ANKRD30A: variants seen among roughly 807,000 people sequenced by gnomAD.
ANKRD30A encodes the protein ankyrin repeat domain-containing protein 30A.
ANKRD30A carries 170 observed loss-of-function variants against 166.3 expected under a neutral mutation model. That is an observed-to-expected ratio of 1.02 (90% confidence interval 0.90 to 1.16). The LOEUF (loss-of-function observed/expected upper bound fraction) is 1.16, where lower values mean the gene tolerates loss of function less well. ANKRD30A is among the 50% of genes most tolerant of loss of function. The pLI is 0.00. For synonymous variants in ANKRD30A, 564 were observed against 508.9 expected (o/e 1.11, Z -1.46); for missense variants, 1,630 against 1,518.0 (o/e 1.07, Z -1.23).
intron 5 of ANKRD30A, among the ~76,000 whole-genome samples, chr10:37,135,554 C>A (rs1019905851): frequency 6.6e-6 from 1 of 152,074 alleles, no homozygotes; most frequent in African/African-American, 2.4e-5. Context: ...TGAGAAAATA[C>A]CAACTTGCAT....
At chr10:37,202,986 ATAAT>A (rs1255245369) in intron 31 of ANKRD30A, among the ~76,000 whole-genome samples, 1 of 152,174 alleles carries the variant, frequency 6.6e-6, no homozygotes, top group Non-Finnish European at 1.5e-5. Flanking sequence ...AATTGAGGCA[ATAAT>A]TAATAGCCTA....
At chr10:37,147,048 A>G (rs1837555799) in intron 8 of ANKRD30A, among the ~76,000 whole-genome samples, 1 of 152,212 alleles carries the variant, frequency 6.6e-6, no homozygotes, top group African/African-American at 2.4e-5. Flanking sequence ...TGCCTTCTTG[A>G]TTTTTGGTGA....
intron 31 of ANKRD30A, among the ~76,000 whole-genome samples, chr10:37,214,769 A>T (rs1233950987): frequency 6.6e-6 from 1 of 151,362 alleles, no homozygotes; most frequent in Non-Finnish European, 1.5e-5. Flanking sequence ...ATAAGAAATT[A>T]CAATTGTGTA....
chr10:37,245,320 T>A, the ANKRD30A span, among the ~76,000 whole-genome samples: 1 of 152,166 alleles, frequency 6.6e-6, no homozygotes, highest in East Asian at 1.9e-4. Flanking sequence ...CTTGTTATTT[T>A]CTTATCTGAA....
the ANKRD30A span, among the ~76,000 whole-genome samples, chr10:37,245,113 T>C: frequency 1.3e-5 from 2 of 152,210 alleles, no homozygotes; most frequent in Non-Finnish European, 2.9e-5. Context: ...TCAATTGTCT[T>C]ATTAACTTAA....
intron 6 of ANKRD30A, among the ~76,000 whole-genome samples, chr10:37,138,322 TCTC>T (rs1220368904): frequency 6.6e-6 from 1 of 152,038 alleles, no homozygotes; most frequent in Non-Finnish European, 1.5e-5. Flanking sequence ...TCAGAGGGCC[TCTC>T]CTCCTCCAAA....
chr10:37,167,478 A>G (rs1315898497), intron 19 of ANKRD30A, among the ~76,000 whole-genome samples: 1 of 151,578 alleles, frequency 6.6e-6, no homozygotes, highest in East Asian at 1.9e-4. Flanking sequence ...GAAAACCATA[A>G]AACTCTGAAT....
At chr10:37,211,527 C>A (rs1361648186) in intron 31 of ANKRD30A, among the ~76,000 whole-genome samples, 126 of 143,936 alleles carry the variant, frequency 8.8e-4, no homozygotes, top group Middle Eastern at 3.5e-3. Context: ...TTAATCCAGT[C>A]TATCATTGTT....
Position 37,217,869 on chromosome 10 carries a change from T to A in ANKRD30A, c.3258T>A (p.Asn1086Lys). 2 of 1,544,212 alleles carry A rather than the reference T, an allele frequency of 1.3e-6. No homozygotes were observed. Among genetic ancestry groups the A allele is most frequent in the Middle Eastern group, 1.7e-4 (1 of 5,744 alleles). The change falls in exon 33 of 36, where the codon AAT (asparagine) becomes AAA (lysine). Residue 1086 changes from asparagine to lysine, a missense_variant. Asn to Lys is a moderately conservative substitution (Grantham distance 94, BLOSUM62 0). This residue lies in a region of ANKRD30A where 712 missense variants were observed against 629.3 expected (regional missense o/e 1.13). Coordinates refer to ENST00000361713, the MANE Select transcript of ANKRD30A (RefSeq NM_052997.3). Reference protein sequence around the residue: ...QDIELKSVESNLNQVSHTHEN... With the variant: ...QDIELKSVESKLNQVSHTHEN... ...TAGAATTGAAGAGTGTAGAAAGTAA[T>A]TTGAATCAGGTAAATCAATCTCTGA...
intron 24 of ANKRD30A, among the ~76,000 whole-genome samples, chr10:37,178,996 A>C: frequency 7.1e-6 from 1 of 140,756 alleles, no homozygotes. Context: ...AATTTTCTTT[A>C]TTACTATGAG....
intron 25 of ANKRD30A, among the ~76,000 whole-genome samples, chr10:37,190,133 C>G (rs1175138218): frequency 1.3e-5 from 2 of 151,882 alleles, no homozygotes; most frequent in Non-Finnish European, 2.9e-5. Context: ...TGCATGGCCA[C>G]ACATGTATAT....
chr10:37,125,966 GGAA>G lies in ANKRD30A; in HGVS notation c.185_187del (p.Lys62del), dbSNP rs1564457167. ...CGGAAGCTGGAGAAGATGACAAAGA[GGAA>G]GAAGACCATCAACCTTAATATACAA... is the stretch of plus-strand genomic sequence containing the variant. On this transcript the variant is annotated inframe_deletion, in exon 1 of 36. Coordinates refer to ENST00000361713, the MANE Select transcript of ANKRD30A (RefSeq NM_052997.3). The G allele has an allele frequency of 1.9e-6, 3 of 1,612,140 alleles. No homozygotes were observed. The highest frequency in any genetic ancestry group is 2.5e-6 in the Non-Finnish European group (3 of 1,179,980).
the ANKRD30A span, among the ~76,000 whole-genome samples, chr10:37,243,913 T>C: frequency 1.3e-5 from 2 of 151,936 alleles, no homozygotes; most frequent in Admixed American, 1.3e-4. Flanking sequence ...CGTCAGTAGA[T>C]TGCAGATTGT....
chr10:37,192,612 T>C (rs780509644), intron 25 of ANKRD30A, among the ~76,000 whole-genome samples: 2 of 152,018 alleles, frequency 1.3e-5, no homozygotes, highest in Non-Finnish European at 2.9e-5. Context: ...AAGAACATAA[T>C]AGCAACATGT....
the ANKRD30A span, among the ~76,000 whole-genome samples, chr10:37,243,159 G>C: frequency 6.8e-6 from 1 of 146,970 alleles, no homozygotes; most frequent in Admixed American, 6.8e-5. Flanking sequence ...TTTTGAGACG[G>C]AGTCTCGCTC....
chr10:37,241,510 G>T, the ANKRD30A span, among the ~76,000 whole-genome samples: 1 of 151,812 alleles, frequency 6.6e-6, no homozygotes, highest in African/African-American at 2.4e-5. Flanking sequence ...ATAAAATCCT[G>T]TATTATTGAG....
Position 37,219,649 on chromosome 10 carries a change from A to G in ANKRD30A, c.3937A>G (p.Thr1313Ala). 3 of 1,610,004 alleles carry G rather than the reference A, an allele frequency of 1.9e-6. No individual in the cohort carries two copies. The highest frequency in any genetic ancestry group is 2.5e-6 in the Non-Finnish European group (3 of 1,177,512). ...CGAACAAGATAATGTGAACAAACAC[A>G]CTGAACAGCAGGAGTCTCTAGATCA... ...QNEQDNVNKH[T>A]EQQESLDQKL... is the part of the protein sequence containing the mutation. Residue 1313 changes from threonine (T) to alanine (A), a missense_variant, in exon 34 of 36, where the codon ACT (threonine) becomes GCT (alanine). Around this residue, in one of 4 missense-constraint regions of ANKRD30A, gnomAD observed 712 missense variants for 629.3 expected, o/e 1.13. Coordinates refer to ENST00000361713, the MANE Select transcript of ANKRD30A (RefSeq NM_052997.3).
In ANKRD30A at chr10:37,219,494, A is replaced by G. The variant is rs1404197310; in HGVS notation, c.3782A>G (p.Lys1261Arg). ...QPLSEAQRKSKSLKINLNYAG... is the reference protein window; with the variant it reads ...QPLSEAQRKSRSLKINLNYAG... ...CTTTCTGAAGCTCAAAGGAAATCCA[A>G]AAGCCTAAAAATTAATCTCAATTAT... is the stretch of plus-strand genomic sequence containing the variant. Residue 1261 changes from lysine (K) to arginine (R), a missense_variant, in exon 34 of 36, where the codon AAA becomes AGA. Lys to Arg is a conservative substitution (Grantham distance 26). This residue lies in a region of ANKRD30A where 712 missense variants were observed against 629.3 expected (regional missense o/e 1.13). Coordinates refer to ENST00000361713, the MANE Select transcript of ANKRD30A (RefSeq NM_052997.3). 6.2e-7 allele frequency: 1 copy of G among 1,610,206 alleles called. No individual in the cohort carries two copies. Among genetic ancestry groups the G allele is most frequent in the African/African-American group, 1.3e-5 (1 of 74,642 alleles).
At chr10:37,157,208 A>G (rs1838452938) in intron 13 of ANKRD30A, among the ~76,000 whole-genome samples, 1 of 152,192 alleles carries the variant, frequency 6.6e-6, no homozygotes, top group South Asian at 2.1e-4. Context: ...ATAGTTTAAC[A>G]CCTGGCACGG....
Sources: gnomAD v4.1 joint callset for allele counts (sites outside exome capture counted in the v4.1 genomes callset) on GRCh38, gnomAD v4.1.1 for gene constraint, gnomAD v4.1.1 regional missense constraint, MANE v1.5 for transcripts, NCBI Gene and HGNC (gene_info 2026-07-23, HGNC 2026-07-21) for gene names.